The following ATP13A5 variants were observed in gnomAD, a reference collection of about 807,000 sequenced individuals.
The protein encoded by ATP13A5 is probable cation-transporting ATPase 13A5.
Under a neutral mutation model 150.2 loss-of-function variants are expected in ATP13A5, and 149 were observed. That is an observed-to-expected ratio of 0.99 (90% confidence interval 0.87 to 1.14). ATP13A5 has a LOEUF of 1.14. ATP13A5 is among the 50% of genes most tolerant of loss of function. The pLI is 0.00. For missense variants in ATP13A5, 1,383 were observed against 1,449.3 expected (o/e 0.95, Z 0.74); for synonymous variants, 497 against 522.2 (o/e 0.95, Z 0.66).
intron 8 of ATP13A5, among the ~76,000 whole-genome samples, chr3:193,344,522 C>G (rs1388026514): frequency 6.6e-6 from 1 of 152,150 alleles, no homozygotes; most frequent in Non-Finnish European, 1.5e-5. Context: ...GAACAGATGC[C>G]AAGTGTCCAG....
intron 29 of ATP13A5, among the ~76,000 whole-genome samples, chr3:193,276,255 T>A (rs1279802858): frequency 6.6e-6 from 1 of 152,238 alleles, no homozygotes; most frequent in African/African-American, 2.4e-5. Context: ...TTGAGCCTCT[T>A]ACTAAGTGGG....
Position 193,310,637 on chromosome 3 carries a change from C to T in ATP13A5, c.2525+1G>A. ...CTCTTCTTTCATGCCATGACACCTACTTTAATTTCTGAAATTCTTCAATAA... is the reference window on the plus strand; with the variant it reads ...CTCTTCTTTCATGCCATGACACCTATTTTAATTTCTGAAATTCTTCAATAA... On this transcript the variant is annotated splice_donor_variant, in intron 21 of 29. Coordinates refer to ENST00000342358, the MANE Select transcript of ATP13A5 (RefSeq NM_198505.4). LOFTEE classifies it high-confidence loss of function. 3 of 1,603,894 alleles carry T rather than the reference C, an allele frequency of 1.9e-6. No homozygotes were observed. The highest frequency in any genetic ancestry group is 2.5e-6 in the Non-Finnish European group (3 of 1,176,938).
At chr3:193,308,950 T>TA (rs1368544577) in intron 21 of ATP13A5, among the ~76,000 whole-genome samples, 1 of 152,212 alleles carries the variant, frequency 6.6e-6, no homozygotes, top group Non-Finnish European at 1.5e-5. Flanking sequence ...TTCTGGAAGT[T>TA]AATAGGCAGT....
At chr3:193,345,811 T>C (rs1323589357) in intron 7 of ATP13A5, among the ~76,000 whole-genome samples, 2 of 152,152 alleles carry the variant, frequency 1.3e-5, no homozygotes, top group South Asian at 2.1e-4. Flanking sequence ...TTCTTGAAGA[T>C]GCACAATCAG....
At chr3:193,339,165 T>C (rs960307423) in intron 9 of ATP13A5, among the ~76,000 whole-genome samples, 2 of 152,170 alleles carry the variant, frequency 1.3e-5, no homozygotes, top group East Asian at 1.9e-4. Flanking sequence ...ATCAATTTTG[T>C]TGATCTTTTC....
chr3:193,344,483 C>T (rs966072218), intron 8 of ATP13A5, among the ~76,000 whole-genome samples: 1 of 152,162 alleles, frequency 6.6e-6, no homozygotes, highest in African/African-American at 2.4e-5. Flanking sequence ...TTGCAAAAAG[C>T]CACAGCCACT....
intron 1 of ATP13A5, among the ~76,000 whole-genome samples, chr3:193,364,576 T>G (rs1577373915): frequency 6.6e-6 from 1 of 152,280 alleles, no homozygotes; most frequent in South Asian, 2.1e-4. Flanking sequence ...TATAAAATAC[T>G]TCATGTTTTG....
intron 12 of ATP13A5, among the ~76,000 whole-genome samples, chr3:193,327,966 A>G (rs1405746201): frequency 6.6e-6 from 1 of 152,240 alleles, no homozygotes; most frequent in Non-Finnish European, 1.5e-5. Context: ...GCCTATCTCT[A>G]TAGAAGTCAC....
At chr3:193,374,301 C>CACAG (rs1441073312) in intron 1 of ATP13A5, among the ~76,000 whole-genome samples, 29,221 of 144,024 alleles carry the variant, frequency 0.2, 2,893 homozygotes, top group Non-Finnish European at 0.22. Context: ...CACACACACA[C>CACAG]AGAGAGAGAG....
intron 1 of ATP13A5, among the ~76,000 whole-genome samples, chr3:193,376,532 T>A (rs1228370486): frequency 6.6e-6 from 1 of 152,186 alleles, no homozygotes; most frequent in Non-Finnish European, 1.5e-5. Flanking sequence ...TTTCTTTTTT[T>A]AATTTCCAAC....
chr3:193,315,499 G>A (rs1158595722), intron 17 of ATP13A5, among the ~76,000 whole-genome samples: 2 of 152,130 alleles, frequency 1.3e-5, no homozygotes, highest in East Asian at 1.9e-4. Flanking sequence ...TACAAGACAC[G>A]ATAGTAGTAG....
rs11926955 is a variant in ATP13A5 at position 193,324,987 on chromosome 3, T to C, written c.1551A>G (p.Ser517=). Residue 517 remains serine, a synonymous_variant, in exon 14 of 30, where the codon TCA becomes TCG. Transcript: ENST00000342358. The part of the protein sequence containing the change: ...NCFQEAHSFA[S]GQAVPWSPLC... The stretch of plus-strand genomic sequence containing the variant: ...GTGGGCTCCATGGCACAGCCTGGCC[T>C]GAGGCAAAGCTGTGGGCTTCCTGGA... 1,349,470 of 1,613,390 alleles carry C rather than the reference T, an allele frequency of 0.84. 565,823 individuals carry two copies. The highest frequency in any genetic ancestry group is 0.98 in the East Asian group (43,862 of 44,868).
chr3:193,340,140 T>C (rs758819464), intron 9 of ATP13A5, among the ~76,000 whole-genome samples: 1 of 152,198 alleles, frequency 6.6e-6, no homozygotes, highest in South Asian at 2.1e-4. Context: ...CATAATCAAC[T>C]GTACATTTGG....
chr3:193,357,296 A>G (rs1712830079), intron 5 of ATP13A5, among the ~76,000 whole-genome samples: 2 of 152,176 alleles, frequency 1.3e-5, no homozygotes, highest in South Asian at 4.1e-4. Context: ...AAGTTTGGCA[A>G]TATTACCATT....
chr3:193,301,257 G>T lies in ATP13A5; in HGVS notation c.2729C>A (p.Thr910Asn). ...GATAAACTGGATTATGCCGTACATG[G>T]TCAAGTATTTAAATACTCCAAAGGA... ...VSSFGVFKYL[T>N]MYGIIQFISA... is the part of the protein sequence containing the mutation. The change falls in exon 24 of 30, where the codon ACC becomes AAC. Residue 910 changes from threonine to asparagine, a missense_variant. Coordinates refer to ENST00000342358, the MANE Select transcript of ATP13A5 (RefSeq NM_198505.4). 1 of 1,613,442 alleles carries T rather than the reference G, an allele frequency of 6.2e-7. No individual in the cohort carries two copies. The highest frequency in any genetic ancestry group is 8.5e-7 in the Non-Finnish European group (1 of 1,179,576).
intron 19 of ATP13A5, among the ~76,000 whole-genome samples, chr3:193,312,515 T>C (rs1718895687): frequency 6.6e-6 from 1 of 152,180 alleles, no homozygotes; most frequent in South Asian, 2.1e-4. Context: ...CCGAAACCCT[T>C]TCCCTCCTTC....
intron 6 of ATP13A5, 44 bp downstream of exon 6, chr3:193,354,082 GC>G: frequency 6.7e-7 from 1 of 1,498,074 alleles, no homozygotes; most frequent in Non-Finnish European, 9.1e-7. Flanking sequence ...GAAGTAAGGG[GC>G]AGAAATCTAT....
chr3:193,344,090 C>G, intron 8 of ATP13A5, 35 bp from the exon 9 acceptor site: 2 of 1,602,450 alleles, frequency 1.2e-6, no homozygotes, highest in East Asian at 2.2e-5. Context: ...AATAGCTGAC[C>G]TTTTCCTGTT....
intron 5 of ATP13A5, among the ~76,000 whole-genome samples, chr3:193,362,177 A>G (rs914874356): frequency 6.6e-6 from 1 of 152,242 alleles, no homozygotes; most frequent in Non-Finnish European, 1.5e-5. Flanking sequence ...ATCAAATTTT[A>G]TATGATTGCA....
Sources: allele counts gnomAD v4.1 joint callset (sites outside exome capture counted in the v4.1 genomes callset), GRCh38; gene constraint gnomAD v4.1.1; transcripts MANE v1.5; gene names NCBI Gene and HGNC (gene_info 2026-07-23, HGNC 2026-07-21).